OXR1: variants seen among roughly 807,000 people sequenced by gnomAD.
The protein encoded by OXR1 is oxidation resistance protein 1.
Under a neutral mutation model 104.6 loss-of-function variants are expected in OXR1, and 41 were observed. The ratio of observed to expected loss-of-function variants is 0.39; its 90% CI spans 0.31 to 0.51. OXR1 has a LOEUF of 0.51. Ranked by LOEUF, OXR1 falls within the 20% of genes least tolerant of loss-of-function variation. The pLI is 0.77. For missense variants in OXR1, 955 were observed against 1,031.9 expected (o/e 0.93, Z 1.02); for synonymous variants, 348 against 348.4 (o/e 1.00, Z 0.01).
chr8:106,575,857 C>T (rs1485176501), intron 3 of OXR1, among the ~76,000 whole-genome samples: 1 of 151,920 alleles, frequency 6.6e-6, no homozygotes, highest in African/African-American at 2.4e-5. Context: ...AATCCTAACA[C>T]ATTTGATTAT....
intron 11 of OXR1, among the ~76,000 whole-genome samples, chr8:106,729,509 C>G (rs1833675575): frequency 6.6e-6 from 1 of 151,924 alleles, no homozygotes; most frequent in East Asian, 1.9e-4. Flanking sequence ...TAATAAAAAT[C>G]AGAATCAAAA....
chr8:106,441,689 G>T (rs1332179006), intron 2 of OXR1, among the ~76,000 whole-genome samples: 2 of 152,246 alleles, frequency 1.3e-5, no homozygotes, highest in East Asian at 3.9e-4. Context: ...TTGTGAATGG[G>T]AGTTCATTCA....
At chr8:106,552,424 A>G (rs987755103) in intron 3 of OXR1, among the ~76,000 whole-genome samples, 13 of 152,210 alleles carry the variant, frequency 8.5e-5, no homozygotes, top group Non-Finnish European at 1.5e-4. Flanking sequence ...GCAGCTAGCT[A>G]TGCTTTCTAT....
At chr8:106,629,700 A>G (rs1822501239) in intron 3 of OXR1, among the ~76,000 whole-genome samples, 1 of 152,202 alleles carries the variant, frequency 6.6e-6, no homozygotes, top group Non-Finnish European at 1.5e-5. Flanking sequence ...AACCCACATA[A>G]TATCACCACA....
At chr8:106,581,142 T>C in intron 3 of OXR1, 1 of 1,263,024 alleles carries the variant, frequency 7.9e-7, no homozygotes, top group South Asian at 1.3e-5. Context: ...GAATTTTGGA[T>C]GGAAATAATC....
At chr8:106,502,450 T>A (rs1811876323) in intron 2 of OXR1, among the ~76,000 whole-genome samples, 1 of 152,178 alleles carries the variant, frequency 6.6e-6, no homozygotes, top group Non-Finnish European at 1.5e-5. Context: ...AATTTGAGAC[T>A]TTTTAGTCTA....
At chr8:106,275,064 G>T (rs866184845) in intron 1 of OXR1, among the ~76,000 whole-genome samples, 1 of 152,230 alleles carries the variant, frequency 6.6e-6, no homozygotes, top group African/African-American at 2.4e-5. Context: ...AGAAACATAA[G>T]ATGGGCATTC....
At chr8:106,582,471 C>G (rs1818323105) in intron 3 of OXR1, among the ~76,000 whole-genome samples, 1 of 151,728 alleles carries the variant, frequency 6.6e-6, no homozygotes, top group South Asian at 2.1e-4. Context: ...AGAATTGTGC[C>G]TGCCATTGTA....
At chr8:106,673,828 A>C (rs1827292279) in intron 3 of OXR1, among the ~76,000 whole-genome samples, 1 of 152,194 alleles carries the variant, frequency 6.6e-6, no homozygotes, top group Non-Finnish European at 1.5e-5. Flanking sequence ...ACAAGTCCTA[A>C]GCCTTGGCGG....
intron 3 of OXR1, among the ~76,000 whole-genome samples, chr8:106,646,000 A>C (rs1824045337): frequency 6.6e-6 from 1 of 152,144 alleles, no homozygotes; most frequent in South Asian, 2.1e-4. Flanking sequence ...AACAACAAAA[A>C]ACTACCTAAC....
At chr8:106,428,961 C>T (rs1240181871) in intron 2 of OXR1, among the ~76,000 whole-genome samples, 3 of 152,136 alleles carry the variant, frequency 2.0e-5, no homozygotes, top group Admixed American at 6.6e-5. Flanking sequence ...CTTATCCTCT[C>T]AACCACAAAC....
chr8:106,565,231 T>A (rs975738533), intron 3 of OXR1, among the ~76,000 whole-genome samples: 1 of 152,160 alleles, frequency 6.6e-6, no homozygotes, highest in Non-Finnish European at 1.5e-5. Flanking sequence ...GAAAACCCTA[T>A]TGTCTCATCC....
rs867814285 is a variant in OXR1 at position 106,474,026 on chromosome 8, C to T, written c.24-44917C>T. 7.3e-3 allele frequency among the ~76,000 whole-genome samples: 1,050 copies of T among 143,250 alleles called. 15 individuals are homozygous for T. The highest frequency in any genetic ancestry group is 0.022 in the African/African-American group (861 of 39,352). 94.0% of individuals were successfully genotyped at this position (143,250 alleles called of 152,430 possible). ...TTGTATATTTATACACACACACACACACACACACACACACACACACACACA... is the reference window on the plus strand; with the variant it reads ...TTGTATATTTATACACACACACACATACACACACACACACACACACACACA... On this transcript the variant is annotated intron_variant, in intron 2 of 16. Coordinates refer to ENST00000517566, the MANE Select transcript of OXR1 (RefSeq NM_001198533.2).
chr8:106,553,755 G>A (rs1286411688), intron 3 of OXR1, among the ~76,000 whole-genome samples: 1 of 151,998 alleles, frequency 6.6e-6, no homozygotes, highest in East Asian at 1.9e-4. Context: ...TTCACTTCTT[G>A]CCTCCAGTTT....
chr8:106,645,947 A>G (rs563629737), intron 3 of OXR1, among the ~76,000 whole-genome samples: 1 of 152,066 alleles, frequency 6.6e-6, no homozygotes, highest in Non-Finnish European at 1.5e-5. Flanking sequence ...TCTTGTATTG[A>G]CACAGCCCCA....
intron 7 of OXR1, chr8:106,697,411 G>A: frequency 1.4e-6 from 2 of 1,445,800 alleles, no homozygotes; most frequent in Non-Finnish European, 1.9e-6. Context: ...CAGGGGCAAG[G>A]CCTGGGGTGG....
intron 2 of OXR1, among the ~76,000 whole-genome samples, chr8:106,474,831 A>C (rs1363036862): frequency 1.3e-5 from 2 of 151,972 alleles, no homozygotes; most frequent in Non-Finnish European, 2.9e-5. Flanking sequence ...TGCAAAATGA[A>C]GATAATAAAC....
intron 1 of OXR1, among the ~76,000 whole-genome samples, chr8:106,316,499 A>G (rs951859348): frequency 4.6e-5 from 7 of 152,174 alleles, no homozygotes; most frequent in African/African-American, 9.7e-5. Flanking sequence ...GGTTATAACC[A>G]TTTACTTAGA....
chr8:106,523,309 G>A (rs1361280318), intron 3 of OXR1, among the ~76,000 whole-genome samples: 1 of 152,080 alleles, frequency 6.6e-6, no homozygotes, highest in Non-Finnish European at 1.5e-5. Flanking sequence ...CCTAATCACA[G>A]GAATAAAGTC....
Sources: gnomAD v4.1 joint callset for allele counts (sites outside exome capture counted in the v4.1 genomes callset) on GRCh38, gnomAD v4.1.1 for gene constraint, MANE v1.5 for transcripts, NCBI Gene and HGNC (gene_info 2026-07-23, HGNC 2026-07-21) for gene names.